Variants in GPHN observed in about 807,000 individuals in gnomAD.
GPHN encodes gephyrin.
In GPHN, 17 loss-of-function variants were observed where a neutral mutation model predicts 95.5. The observed-to-expected ratio is 0.18, with a 90% CI of 0.12 to 0.27. The LOEUF is 0.27. Among genes scored for constraint, GPHN ranks in the 10% least tolerant of loss-of-function variants. The pLI, the probability that GPHN is intolerant of heterozygous loss-of-function variation, is 1.00. For synonymous variants in GPHN, 320 were observed against 322.5 expected (o/e 0.99, Z 0.08); for missense variants, 660 against 978.1 (o/e 0.67, Z 4.34).
At chr14:67,626,461 C>A in the GPHN span, among the ~76,000 whole-genome samples, 1 of 152,146 alleles carries the variant, frequency 6.6e-6, no homozygotes, top group Admixed American at 6.5e-5. Context: ...GTTACTGTGT[C>A]CTCAAGCAAA....
chr14:67,283,024 TC>T, the GPHN span, among the ~76,000 whole-genome samples: 1 of 152,120 alleles, frequency 6.6e-6, no homozygotes, highest in Non-Finnish European at 1.5e-5. Context: ...AAAATTGTTG[TC>T]TTTGAAGCAG....
chr14:67,481,420 G>A, the GPHN span, among the ~76,000 whole-genome samples: 1 of 152,188 alleles, frequency 6.6e-6, no homozygotes, highest in Admixed American at 6.6e-5. Flanking sequence ...CCACGGCAAT[G>A]TCAGACAGTG....
intron 8 of GPHN, among the ~76,000 whole-genome samples, chr14:66,962,928 A>T (rs1047574138): frequency 6.6e-6 from 1 of 151,980 alleles, no homozygotes; most frequent in African/African-American, 2.4e-5. Context: ...CCAGCATAAT[A>T]GGTATAATCC....
At chr14:67,565,517 C>G in the GPHN span, among the ~76,000 whole-genome samples, 7 of 152,040 alleles carry the variant, frequency 4.6e-5, no homozygotes, top group Non-Finnish European at 5.9e-5. Context: ...GCCACCTTAC[C>G]CGGTCTGAGA....
the GPHN span, among the ~76,000 whole-genome samples, chr14:67,721,221 T>A: frequency 6.6e-6 from 1 of 152,148 alleles, no homozygotes; most frequent in Non-Finnish European, 1.5e-5. Flanking sequence ...CTGTCCCAGC[T>A]CCTTGTCTAT....
At chr14:67,055,667 T>C (rs2075530360) in intron 10 of GPHN, among the ~76,000 whole-genome samples, 1 of 152,224 alleles carries the variant, frequency 6.6e-6, no homozygotes, top group Admixed American at 6.5e-5. Flanking sequence ...CGCCTATCAA[T>C]GATAGACTGG....
At chr14:66,786,692 A>T (rs562045671) in intron 3 of GPHN, among the ~76,000 whole-genome samples, 23 of 152,228 alleles carry the variant, frequency 1.5e-4, no homozygotes, top group African/African-American at 5.3e-4. Flanking sequence ...TTTGACATTT[A>T]TTTGAAATAT....
the GPHN span, among the ~76,000 whole-genome samples, chr14:67,507,432 G>A: frequency 6.8e-3 from 1,041 of 152,228 alleles, 8 homozygotes; most frequent in Middle Eastern, 0.034. Flanking sequence ...AGCAGGGATA[G>A]GGGGAAGAAT....
chr14:66,723,847 G>C (rs1034623953), intron 2 of GPHN, among the ~76,000 whole-genome samples: 1 of 151,978 alleles, frequency 6.6e-6, no homozygotes, highest in African/African-American at 2.4e-5. Flanking sequence ...AATTAGGTTA[G>C]TTTTCATATT....
At chr14:67,482,027 T>A in the GPHN span, among the ~76,000 whole-genome samples, 1 of 152,166 alleles carries the variant, frequency 6.6e-6, no homozygotes, top group Non-Finnish European at 1.5e-5. Context: ...CAAGCAGGGT[T>A]TCATTGAACA....
chr14:66,762,240 G>T (rs937853739), intron 2 of GPHN, among the ~76,000 whole-genome samples: 9 of 151,730 alleles, frequency 5.9e-5, no homozygotes, highest in African/African-American at 2.2e-4. Flanking sequence ...CTAAATAAAG[G>T]CTTCTAATTA....
chr14:67,494,567 C>T, the GPHN span, among the ~76,000 whole-genome samples: 1 of 152,254 alleles, frequency 6.6e-6, no homozygotes, highest in East Asian at 1.9e-4. Context: ...CAATCGGCCC[C>T]GCCCCCACAC....
At chr14:66,737,109 A>G (rs1180840075) in intron 2 of GPHN, among the ~76,000 whole-genome samples, 1 of 152,164 alleles carries the variant, frequency 6.6e-6, no homozygotes, top group Non-Finnish European at 1.5e-5. Flanking sequence ...AAACATATTA[A>G]TGTTTTCTAA....
the GPHN span, among the ~76,000 whole-genome samples, chr14:67,202,666 TA>T: frequency 1.3e-5 from 2 of 152,196 alleles, no homozygotes; most frequent in Admixed American, 6.5e-5. Context: ...ATATTATTTG[TA>T]AATTTGTATG....
intron 1 of GPHN, among the ~76,000 whole-genome samples, chr14:66,634,669 A>G (rs2064004039): frequency 1.3e-5 from 2 of 152,160 alleles, no homozygotes; most frequent in African/African-American, 4.8e-5. Context: ...GTGCCCAGGC[A>G]TCAGTGTGTG....
the GPHN span, chr14:67,571,598 C>A: frequency 3.5e-5 from 23 of 664,774 alleles, no homozygotes; most frequent in African/African-American, 3.5e-4. Context: ...AGGAGTGAGG[C>A]CAGGAGGGAC....
At chr14:67,148,665 A>C (rs561089990) in intron 18 of GPHN, among the ~76,000 whole-genome samples, 9 of 140,778 alleles carry the variant, frequency 6.4e-5, no homozygotes, top group African/African-American at 2.2e-4. Flanking sequence ...GGTTCATGCC[A>C]TTCTCCCACC....
At chr14:67,651,043 C>A in the GPHN span, 7 of 1,119,644 alleles carry the variant, frequency 6.3e-6, no homozygotes, top group Non-Finnish European at 8.9e-6. Context: ...TTTACACATT[C>A]TCACAATTGT....
At chr14:66,919,821 C>A (rs1473606021) in intron 6 of GPHN, among the ~76,000 whole-genome samples, 2 of 152,064 alleles carry the variant, frequency 1.3e-5, no homozygotes, top group African/African-American at 4.8e-5. Flanking sequence ...AATCCCAGCA[C>A]TTTGGGAGGC....
Sources: allele counts gnomAD v4.1 joint callset (sites outside exome capture counted in the v4.1 genomes callset), GRCh38; gene constraint gnomAD v4.1.1; transcripts MANE v1.5; gene names NCBI Gene and HGNC (gene_info 2026-07-23, HGNC 2026-07-21).